SETX: variants seen among roughly 807,000 people sequenced by gnomAD.
SETX encodes senataxin.
SETX carries 90 observed loss-of-function variants against 227.2 expected under a neutral mutation model. That is an observed-to-expected ratio of 0.40 (90% CI 0.33 to 0.47). SETX has a LOEUF of 0.47. SETX is among the 20% of genes least tolerant of loss of function. SETX has a pLI of 0.91. For synonymous variants in SETX, 1,210 were observed against 1,113.2 expected, an observed-to-expected ratio of 1.09 and a Z score of -1.73; for missense variants, 3,052 against 3,181.5, an observed-to-expected ratio of 0.96 and a Z score of 0.98.
Position 132,278,063 on chromosome 9 carries a change from A to G in SETX, c.6842+7T>C. The stretch of plus-strand genomic sequence containing the variant: ...AAATAAGGTCACAAACAATAAGGGG[A>G]ACTCACCTATTTGTTTTTAAGTTTC... On this transcript the variant is annotated splice_region_variant and intron_variant, in intron 21 of 25. Transcript: ENST00000224140. 1.2e-6 allele frequency: 2 copies of G among 1,611,982 alleles called. No individual in the cohort carries two copies. Among genetic ancestry groups the G allele is most frequent in the South Asian group, 2.2e-5 (2 of 91,042 alleles).
chr9:132,325,142 G>A (rs914215759), intron 10 of SETX, among the ~76,000 whole-genome samples: 13 of 151,924 alleles, frequency 8.6e-5, no homozygotes, highest in African/African-American at 4.8e-5. Flanking sequence ...AGATCACAAG[G>A]TCAGGAGATT....
At chr9:132,300,579 T>C (rs1589677315) in intron 12 of SETX, 51 bp downstream of exon 12, 1 of 1,562,082 alleles carries the variant, frequency 6.4e-7, no homozygotes. Flanking sequence ...AGTAGATTAT[T>C]AGATGAGACT....
intron 10 of SETX, among the ~76,000 whole-genome samples, chr9:132,317,409 C>G (rs1451726250): frequency 6.6e-6 from 1 of 152,200 alleles, no homozygotes; most frequent in East Asian, 1.9e-4. Flanking sequence ...ATATCTGTAG[C>G]AGCTGTCATC....
intron 10 of SETX, among the ~76,000 whole-genome samples, chr9:132,312,587 TATTG>T (rs975170121): frequency 6.6e-6 from 1 of 152,218 alleles, no homozygotes; most frequent in African/African-American, 2.4e-5. Flanking sequence ...CCTCAAAGAC[TATTG>T]GTGTTGAACT....
chr9:132,307,570 G>A (rs12115571), intron 11 of SETX, among the ~76,000 whole-genome samples: 16,031 of 151,904 alleles, frequency 0.11, 945 homozygotes, highest in East Asian at 0.24. Flanking sequence ...CACAGCCTCA[G>A]AGCCAACTAG....
rs775764547 is a variant in SETX at position 132,283,453 on chromosome 9, C to G, written c.6397-40G>C. ...GTTAAATCAATATTCAGCTGTACAT[C>G]AATCCTTGACTATGACAGGCCTATG... On this transcript the variant is annotated intron_variant, in intron 18 of 25. Transcript: ENST00000224140. The G allele has an allele frequency of 1.9e-6, 3 of 1,611,450 alleles. No homozygotes were observed. In the East Asian group the frequency reaches 6.7e-5, roughly 36 times the overall value.
At chr9:132,268,452 G>A (rs1842749310) in intron 25 of SETX, among the ~76,000 whole-genome samples, 13 of 152,206 alleles carry the variant, frequency 8.5e-5, no homozygotes, top group Admixed American at 8.5e-4. Flanking sequence ...AGTGAGCTGT[G>A]ATTGTGCCAC....
chr9:132,267,135 A>G (rs6597566), intron 25 of SETX, among the ~76,000 whole-genome samples: 27,727 of 152,202 alleles, frequency 0.18, 3,218 homozygotes, highest in East Asian at 0.42. Context: ...TGTATATTAT[A>G]ATGAATGGTT....
intron 5 of SETX, 78 bp from the exon 6 acceptor site, chr9:132,336,593 G>C: frequency 3.9e-6 from 4 of 1,025,408 alleles, no homozygotes; most frequent in Non-Finnish European, 4.6e-6. Flanking sequence ...AAGAAAACAG[G>C]ATTCTCTGCA....
chr9:132,305,573 G>A (rs567806100), intron 11 of SETX, among the ~76,000 whole-genome samples: 2 of 152,100 alleles, frequency 1.3e-5, no homozygotes, highest in Non-Finnish European at 2.9e-5. Context: ...CTCCCAATCT[G>A]ACAGACTGAG....
At chr9:132,324,817 C>T (rs1178800624) in intron 10 of SETX, among the ~76,000 whole-genome samples, 4 of 152,194 alleles carry the variant, frequency 2.6e-5, no homozygotes, top group African/African-American at 7.2e-5. Context: ...ACTGTATACA[C>T]GAAAGTTTCT....
At position 132,269,817 on chromosome 9, in the gene SETX, TTGAA is replaced by T. The variant is rs1842809805; in HGVS notation, c.7200-119_7200-116del. ...GCCCGTGTCTGACAGAGGTGGAATC[TTGAA>T]TGACTCAGTGAGCCCGAGACACAGG... On this transcript the variant is annotated intron_variant, in intron 24 of 25. Coordinates refer to ENST00000224140, the MANE Select transcript of SETX (RefSeq NM_015046.7). The T allele has an allele frequency of 1.1e-5, 12 of 1,061,986 alleles. No individual in the cohort carries two copies. The South Asian group carries it at 1.3e-4, about 11-fold the overall frequency. The allele number at this position is 1,061,986 out of a possible 1,614,324, so 65.8% of individuals were successfully genotyped here.
intron 6 of SETX, among the ~76,000 whole-genome samples, chr9:132,335,311 A>G (rs13301507): frequency 0.12 from 16,834 of 142,902 alleles, 1,014 homozygotes; most frequent in Admixed American, 0.14. Flanking sequence ...GAATGGCGTG[A>G]ACCCAGGAGG....
chr9:132,297,506 C>T (rs886688240), intron 13 of SETX, among the ~76,000 whole-genome samples: 3 of 152,168 alleles, frequency 2.0e-5, no homozygotes, highest in Non-Finnish European at 4.4e-5. Flanking sequence ...TGGGTGTAAG[C>T]TTCACTTGCA....
chr9:132,326,976 A>G lies in SETX; in HGVS notation c.4622T>C (p.Leu1541Ser). ...VEEDSVSRPQLESLSGTKCKY... is the reference protein window; with the variant it reads ...VEEDSVSRPQSESLSGTKCKY... ...ACACTTTGTGCCACTCAAAGATTCC[A>G]ACTGAGGCCGACTTACAGAATCTTC... Residue 1541 changes from leucine to serine, a missense_variant, in exon 10 of 26, where the codon TTG becomes TCG. By Grantham distance (145) the Leu-to-Ser change is moderately radical (BLOSUM62 -2). Coordinates refer to ENST00000224140, the MANE Select transcript of SETX (RefSeq NM_015046.7). 1 of 1,614,264 alleles carries G rather than the reference A, an allele frequency of 6.2e-7. No individual in the cohort carries two copies. Among genetic ancestry groups the G allele is most frequent in the Non-Finnish European group, 8.5e-7 (1 of 1,180,050 alleles).
In SETX at chr9:132,319,625, T is replaced by A. The variant is rs1010120041; in HGVS notation, c.5274+6699A>T. Among the ~76,000 whole-genome samples the A allele has an allele frequency of 3.9e-5, 6 of 152,198 alleles. No individual in the cohort carries two copies. The South Asian group carries it at 1.2e-3, about 31-fold the overall frequency. On this transcript the variant is annotated intron_variant, in intron 10 of 25. Transcript: ENST00000224140. ...TCCACCCCACCTCCTGAACAATACT[T>A]TCTTCTTCTGGATGTCAGCCAGGTC... is the stretch of plus-strand genomic sequence containing the variant.
chr9:132,299,708 A>G (rs1450968920), intron 12 of SETX, among the ~76,000 whole-genome samples: 1 of 152,246 alleles, frequency 6.6e-6, no homozygotes, highest in African/African-American at 2.4e-5. Flanking sequence ...GCAGGCTTCA[A>G]TTCTGGACTT....
chr9:132,309,828 T>TG (rs1427886964), intron 11 of SETX, among the ~76,000 whole-genome samples: 1 of 151,774 alleles, frequency 6.6e-6, no homozygotes, highest in East Asian at 1.9e-4. Context: ...GTGATGGGGG[T>TG]GGGGGCAAAG....
chr9:132,273,408 C>A (rs951228796), intron 23 of SETX, among the ~76,000 whole-genome samples: 4 of 152,190 alleles, frequency 2.6e-5, no homozygotes, highest in African/African-American at 9.7e-5. Context: ...GGTGATCCAC[C>A]CACCTGGGCC....
Sources: gnomAD v4.1 joint callset for allele counts (sites outside exome capture counted in the v4.1 genomes callset) on GRCh38, gnomAD v4.1.1 for gene constraint, MANE v1.5 for transcripts, NCBI Gene and HGNC (gene_info 2026-07-23, HGNC 2026-07-21) for gene names.